TMCO4: variants seen among roughly 807,000 people sequenced by gnomAD.
The protein encoded by TMCO4 is transmembrane and coiled-coil domain-containing protein 4.
A neutral mutation model predicts 64.7 loss-of-function variants in TMCO4; 58 were observed. The ratio of observed to expected loss-of-function variants is 0.90; its 90% CI spans 0.73 to 1.12. The LOEUF is 1.12. Among genes scored for constraint, TMCO4 ranks in the 50% most tolerant of loss-of-function variants. The probability of loss-of-function intolerance (pLI) is 0.00; values close to 1 mark genes in which losing one functional copy is unlikely to be tolerated. For synonymous variants in TMCO4, 325 were observed against 346.1 expected (o/e 0.94, Z 0.68); for missense variants, 780 against 825.9 (o/e 0.94, Z 0.68).
intron 13 of TMCO4, among the ~76,000 whole-genome samples, chr1:19,733,928 G>A (rs1371285831): frequency 6.6e-6 from 1 of 152,170 alleles, no homozygotes; most frequent in Non-Finnish European, 1.5e-5. Context: ...AAATGGATGT[G>A]ATAATTGTAC....
At chr1:19,700,345 C>A (rs906550051) in intron 14 of TMCO4, among the ~76,000 whole-genome samples, 1 of 152,046 alleles carries the variant, frequency 6.6e-6, no homozygotes, top group African/African-American at 2.4e-5. Flanking sequence ...TCAGCCTAGG[C>A]CCCTCCAGCC....
At chr1:19,766,354 G>A (rs79053030) in intron 6 of TMCO4, among the ~76,000 whole-genome samples, 9,871 of 152,172 alleles carry the variant, frequency 0.065, 468 homozygotes, top group African/African-American at 0.13. Flanking sequence ...ATCTTGACAT[G>A]CTTTACAAGA....
At chr1:19,753,307 A>C (rs2042102489) in intron 7 of TMCO4, among the ~76,000 whole-genome samples, 1 of 152,180 alleles carries the variant, frequency 6.6e-6, no homozygotes, top group African/African-American at 2.4e-5. Flanking sequence ...ACATCTTCTG[A>C]GACTCTACTA....
chr1:19,713,725 C>T (rs1011197364), intron 13 of TMCO4, among the ~76,000 whole-genome samples: 7 of 150,216 alleles, frequency 4.7e-5, no homozygotes, highest in African/African-American at 1.7e-4. Context: ...ACAACAACAA[C>T]AACAACAAAA....
chr1:19,769,671 C>T (rs907958326), intron 6 of TMCO4, among the ~76,000 whole-genome samples: 3 of 152,150 alleles, frequency 2.0e-5, no homozygotes, highest in African/African-American at 7.2e-5. Context: ...GAAGAAGCCA[C>T]TTATGCAATA....
At chr1:19,766,821 G>C (rs1476870284) in intron 6 of TMCO4, among the ~76,000 whole-genome samples, 1 of 152,122 alleles carries the variant, frequency 6.6e-6, no homozygotes, top group Non-Finnish European at 1.5e-5. Flanking sequence ...AAAGAGGTTG[G>C]ACATGACAAC....
chr1:19,742,458 C>A (rs2095483909), intron 10 of TMCO4, among the ~76,000 whole-genome samples: 1 of 152,206 alleles, frequency 6.6e-6, no homozygotes, highest in African/African-American at 2.4e-5. Context: ...CAAAGCTCAT[C>A]CTTACCTGCA....
intron 6 of TMCO4, 23 bp from the exon 7 acceptor site, chr1:19,755,789 G>A (rs142538513): frequency 5.1e-5 from 82 of 1,613,490 alleles, no homozygotes; most frequent in African/African-American, 1.9e-4. Context: ...AAACAACACC[G>A]GAAAAGAATC....
intron 15 of TMCO4, among the ~76,000 whole-genome samples, chr1:19,690,174 C>A (rs1056065274): frequency 2.2e-4 from 33 of 152,350 alleles, no homozygotes; most frequent in Admixed American, 1.6e-3. Flanking sequence ...CTTGCTCACT[C>A]TTCAATTATC....
intron 2 of TMCO4, among the ~76,000 whole-genome samples, chr1:19,791,000 C>T (rs191788189): frequency 6.6e-6 from 1 of 152,250 alleles, no homozygotes; most frequent in Admixed American, 6.5e-5. Context: ...GAGATCATAT[C>T]CTTTGCAGGG....
chr1:19,705,483 A>C (rs1300913992), intron 13 of TMCO4, among the ~76,000 whole-genome samples: 1 of 151,952 alleles, frequency 6.6e-6, no homozygotes, highest in Non-Finnish European at 1.5e-5. Context: ...AAACAAATAA[A>C]TAAAAATAAA....
At chr1:19,708,900 C>T (rs909393192) in intron 13 of TMCO4, among the ~76,000 whole-genome samples, 1 of 152,104 alleles carries the variant, frequency 6.6e-6, no homozygotes, top group Non-Finnish European at 1.5e-5. Flanking sequence ...ATGTGTGCAG[C>T]GAGTGATAAG....
chr1:19,694,638 G>A, intron 14 of TMCO4, 87 bp from the exon 15 acceptor site: 1 of 1,268,572 alleles, frequency 7.9e-7, no homozygotes. Flanking sequence ...TCCTGGGGAA[G>A]CCAGGTGGGA....
At position 19,759,309 on chromosome 1, in the gene TMCO4, C is replaced by G. The variant is rs554186377; in HGVS notation, c.383-3543G>C. On this transcript the variant is annotated intron_variant, in intron 6 of 15. Coordinates refer to ENST00000294543, the MANE Select transcript of TMCO4 (RefSeq NM_181719.7). ...CCGCCACAGCCACAGCCCTCGCTCT[C>G]CAACCACCAGCCGCCTCACTGCTCT... Among the ~76,000 whole-genome samples, 3 of 152,156 alleles carry G rather than the reference C, an allele frequency of 2.0e-5. No individual in the cohort carries two copies. In the South Asian group the frequency reaches 6.2e-4, roughly 32 times the overall value.
chr1:19,736,680 C>A (rs530419987), intron 13 of TMCO4, among the ~76,000 whole-genome samples: 24 of 152,302 alleles, frequency 1.6e-4, no homozygotes, highest in African/African-American at 5.5e-4. Context: ...CTACCCAAGG[C>A]CAGGAGCAGC....
In TMCO4 at chr1:19,713,271, C is replaced by T. The variant is rs115774842; in HGVS notation, c.1265-12386G>A. On this transcript the variant is annotated intron_variant, in intron 13 of 15. Coordinates refer to ENST00000294543, the MANE Select transcript of TMCO4 (RefSeq NM_181719.7). ...ATGGCCGTTTTTTGCCATCAGTCTA[C>T]CACAGATGTACACAATATGTCTGAA... Among the ~76,000 whole-genome samples, 782 of 152,214 alleles carry T rather than the reference C, an allele frequency of 5.1e-3. 9 individuals are homozygous for T. Among genetic ancestry groups the T allele is most frequent in the Non-Finnish European group, 7.2e-3 (492 of 68,024 alleles).
intron 7 of TMCO4, among the ~76,000 whole-genome samples, 185 bp from the exon 8 acceptor site, chr1:19,747,445 G>A (rs74058626): frequency 0.012 from 1,898 of 152,192 alleles, 51 homozygotes; most frequent in African/African-American, 0.044. Flanking sequence ...AAACCCAGCC[G>A]GGGAATCTCA....
At chr1:19,766,847 T>G (rs1737469) in intron 6 of TMCO4, among the ~76,000 whole-genome samples, 1 of 151,878 alleles carries the variant, frequency 6.6e-6, no homozygotes, top group African/African-American at 2.4e-5. Flanking sequence ...GCAAACCACT[T>G]CCCCCTCTAG....
At chr1:19,767,774 G>C (rs1186869845) in intron 6 of TMCO4, among the ~76,000 whole-genome samples, 1 of 152,166 alleles carries the variant, frequency 6.6e-6, no homozygotes, top group Non-Finnish European at 1.5e-5. Context: ...TCCCCTCTCT[G>C]GGCCTCAGTC....
Sources: allele counts gnomAD v4.1 joint callset (sites outside exome capture counted in the v4.1 genomes callset), GRCh38; gene constraint gnomAD v4.1.1; transcripts MANE v1.5; gene names NCBI Gene and HGNC (gene_info 2026-07-23, HGNC 2026-07-21).